The following RERE variants were observed in gnomAD, a reference collection of about 807,000 sequenced individuals.
The protein encoded by RERE is arginine-glutamic acid dipeptide repeats protein.
RERE carries 40 observed loss-of-function variants against 146.1 expected under a neutral mutation model. The ratio of observed to expected loss-of-function variants is 0.27; its 90% CI spans 0.21 to 0.36. The LOEUF (loss-of-function observed/expected upper bound fraction) is 0.36, where lower values mean the gene tolerates loss of function less well. RERE is among the 10% of genes least tolerant of loss of function. RERE has a pLI of 1.00. For missense variants in RERE, 1,933 were observed against 2,138.7 expected (o/e 0.90, Z 1.90); for synonymous variants, 1,003 against 866.0 (o/e 1.16, Z -2.78).
chr1:8,353,414 G>A lies in RERE; in HGVS notation c.*1673C>T, dbSNP rs773054894. On this transcript the variant is annotated 3_prime_UTR_variant, in exon 23 of 23. Transcript: ENST00000400908. ...CTGCTCCCTCTGCGGCCTGGGTCCT[G>A]GATGGACTTTGTGTCCGCCGACCCA... 1 of 152,242 alleles carries A rather than the reference G, an allele frequency of 6.6e-6. No homozygotes were observed. The highest frequency in any genetic ancestry group is 1.5e-5 in the Non-Finnish European group (1 of 68,050). The allele number at this position is 152,242 out of a possible 1,614,324, so 9.4% of individuals were successfully genotyped here. A position where few individuals can be genotyped will look rare whatever the true frequency, so the allele number is the denominator to read the frequency against.
At chr1:8,587,724 C>T (rs1646442970) in intron 4 of RERE, among the ~76,000 whole-genome samples, 1 of 152,168 alleles carries the variant, frequency 6.6e-6, no homozygotes, top group South Asian at 2.1e-4. Flanking sequence ...TTCTATCCCC[C>T]ACCACTCTCT....
intron 1 of RERE, among the ~76,000 whole-genome samples, chr1:8,781,570 A>G (rs1395270346): frequency 6.6e-6 from 1 of 151,748 alleles, no homozygotes; most frequent in East Asian, 1.9e-4. Flanking sequence ...CTGCTCTGCC[A>G]CTTCCTAGCT....
intron 4 of RERE, among the ~76,000 whole-genome samples, chr1:8,592,045 T>C (rs992992963): frequency 2.0e-5 from 3 of 152,226 alleles, no homozygotes; most frequent in Non-Finnish European, 4.4e-5. Flanking sequence ...GTAATGCTAA[T>C]GTGAAGTAGT....
rs60346942 is a variant in RERE, at chr1:8,605,845, C to CTTTTTTTTTTT, written c.522+8705_522+8715dup. On this transcript the variant is annotated intron_variant, in intron 4 of 22. Coordinates refer to ENST00000400908, the MANE Select transcript of RERE (RefSeq NM_001042681.2). ...ACAAATTTAAGTGTTAAATACCAAA[C>CTTTTTTTTTTT]TTTTTTTTTTTTTTTTTGAGACAGC... 6.7e-3 allele frequency among the ~76,000 whole-genome samples: 622 copies of CTTTTTTTTTTT among 93,210 alleles called. 109 individuals carry two copies. The highest frequency in any genetic ancestry group is 0.011 in the Middle Eastern group (1 of 90). 61.1% of individuals were successfully genotyped at this position (93,210 alleles called of 152,430 possible).
chr1:8,785,658 T>C (rs1380870855), intron 1 of RERE, among the ~76,000 whole-genome samples: 2 of 152,188 alleles, frequency 1.3e-5, no homozygotes, highest in Non-Finnish European at 2.9e-5. Context: ...GTCTCACTCT[T>C]GTCCCCAGGC....
chr1:8,600,502 C>G (rs1202299463), intron 4 of RERE, among the ~76,000 whole-genome samples: 1 of 152,146 alleles, frequency 6.6e-6, no homozygotes, highest in Non-Finnish European at 1.5e-5. Flanking sequence ...CTCTGGACAT[C>G]TGTGGATATT....
intron 6 of RERE, among the ~76,000 whole-genome samples, chr1:8,549,777 G>C (rs567887775): frequency 3.9e-5 from 6 of 152,220 alleles, no homozygotes; most frequent in African/African-American, 4.8e-5. Context: ...TGAAGCCCAT[G>C]ATAAGATGCA....
intron 2 of RERE, among the ~76,000 whole-genome samples, chr1:8,644,411 G>C (rs1647231218): frequency 6.6e-6 from 1 of 152,086 alleles, no homozygotes; most frequent in Admixed American, 6.5e-5. Context: ...GTAGGTTTTG[G>C]AGGCTTTTTT....
intron 1 of RERE, among the ~76,000 whole-genome samples, chr1:8,759,717 C>T (rs1182504924): frequency 6.6e-6 from 1 of 152,058 alleles, no homozygotes; most frequent in Admixed American, 6.6e-5. Flanking sequence ...GCAAAACAGC[C>T]ATAAAGAACT....
At chr1:8,522,909 C>T (rs149198647) in intron 7 of RERE, among the ~76,000 whole-genome samples, 505 of 151,722 alleles carry the variant, frequency 3.3e-3, no homozygotes, top group Non-Finnish European at 5.5e-3. Context: ...AGGCCAGGCA[C>T]GCTGGCCTGT....
chr1:8,524,765 A>G (rs1440503755), intron 7 of RERE, among the ~76,000 whole-genome samples: 3 of 152,202 alleles, frequency 2.0e-5, no homozygotes, highest in Non-Finnish European at 4.4e-5. Context: ...ACCACAGTGA[A>G]AGCCATCTGT....
chr1:8,630,731 T>C (rs1410085449), intron 2 of RERE, among the ~76,000 whole-genome samples: 1 of 152,128 alleles, frequency 6.6e-6, no homozygotes, highest in African/African-American at 2.4e-5. Flanking sequence ...CAGTCATACA[T>C]ACATACGTAC....
intron 1 of RERE, among the ~76,000 whole-genome samples, chr1:8,751,272 G>GA (rs2124516890): frequency 6.6e-6 from 1 of 152,156 alleles, no homozygotes; most frequent in South Asian, 2.1e-4. Flanking sequence ...CCTGCTACTG[G>GA]AAAAAACACT....
chr1:8,498,950 T>C (rs1359349161), intron 8 of RERE, among the ~76,000 whole-genome samples: 4 of 152,124 alleles, frequency 2.6e-5, no homozygotes, highest in Non-Finnish European at 5.9e-5. Context: ...TCGCTGTACA[T>C]AGAGTATACC....
intron 2 of RERE, among the ~76,000 whole-genome samples, chr1:8,651,723 A>T (rs1647640591): frequency 6.6e-6 from 1 of 151,456 alleles, no homozygotes; most frequent in Non-Finnish European, 1.5e-5. Flanking sequence ...CCCTGTCTCA[A>T]AAGAAAAAAA....
chr1:8,460,109 G>A (rs982326435), intron 11 of RERE, among the ~76,000 whole-genome samples: 2 of 152,104 alleles, frequency 1.3e-5, no homozygotes, highest in African/African-American at 4.8e-5. Context: ...ATCTTAACGG[G>A]GATTTTGCTG....
chr1:8,491,957 T>C (rs1644984633), intron 10 of RERE, among the ~76,000 whole-genome samples: 1 of 152,212 alleles, frequency 6.6e-6, no homozygotes, highest in South Asian at 2.1e-4. Context: ...AAATCTTCTA[T>C]TACTCTAGGG....
chr1:8,725,462 A>C (rs1639943842), intron 1 of RERE, among the ~76,000 whole-genome samples: 1 of 152,172 alleles, frequency 6.6e-6, no homozygotes, highest in Non-Finnish European at 1.5e-5. Flanking sequence ...GCTACTCAGG[A>C]GGCTGAGGCA....
At chr1:8,787,289 T>G (rs1191408565) in intron 1 of RERE, among the ~76,000 whole-genome samples, 1 of 152,312 alleles carries the variant, frequency 6.6e-6, no homozygotes, top group African/African-American at 2.4e-5. Flanking sequence ...TGTCCAAATG[T>G]CACCTCTTCA....
Sources: gnomAD v4.1 joint callset for allele counts (sites outside exome capture counted in the v4.1 genomes callset) on GRCh38, gnomAD v4.1.1 for gene constraint, MANE v1.5 for transcripts, NCBI Gene and HGNC (gene_info 2026-07-23, HGNC 2026-07-21) for gene names.